The following TRHDE variants were observed in gnomAD, a reference collection of about 807,000 sequenced individuals.
TRHDE encodes the protein thyrotropin releasing hormone degrading enzyme, also known as thyrotropin-releasing hormone-degrading ectoenzyme.
A neutral mutation model predicts 125.7 loss-of-function variants in TRHDE; 72 were observed. That is an observed-to-expected ratio of 0.57 (90% CI 0.47 to 0.70). The LOEUF is 0.70. TRHDE is among the 30% of genes least tolerant of loss of function. The pLI is 0.00. For synonymous variants in TRHDE, 509 were observed against 509.1 expected (o/e 1.00, Z 0.00); for missense variants, 1,110 against 1,327.1 (o/e 0.84, Z 2.54).
intron 2 of TRHDE, among the ~76,000 whole-genome samples, chr12:72,153,239 G>A (rs1245437825): frequency 1.3e-5 from 2 of 152,112 alleles, no homozygotes; most frequent in African/African-American, 2.4e-5. Flanking sequence ...GATTGGTGGT[G>A]ATCTCCCCTT....
Position 72,454,243 on chromosome 12 carries a change from G to A in TRHDE, c.1316-15515G>A, listed in dbSNP as rs140197819. ...TTTGTTTTTACCTTATAATGAAAATGGGATAAAATGGAGTATAATGGTTGA... is the reference window on the plus strand; with the variant it reads ...TTTGTTTTTACCTTATAATGAAAATAGGATAAAATGGAGTATAATGGTTGA... On this transcript the variant is annotated intron_variant, in intron 3 of 18. Coordinates refer to ENST00000261180, the MANE Select transcript of TRHDE (RefSeq NM_013381.3). Among the ~76,000 whole-genome samples, 13 of 152,126 alleles carry A rather than the reference G, an allele frequency of 8.5e-5. No homozygotes were observed. In the East Asian group the frequency reaches 2.5e-3, roughly 29 times the overall value.
chr12:72,314,751 G>A (rs1444674292), intron 2 of TRHDE, among the ~76,000 whole-genome samples: 1 of 152,074 alleles, frequency 6.6e-6, no homozygotes, highest in African/African-American at 2.4e-5. Context: ...AAGATGAATG[G>A]TGACTGTGAT....
chr12:72,469,511 T>C (rs1418274222), intron 3 of TRHDE, among the ~76,000 whole-genome samples: 1 of 152,192 alleles, frequency 6.6e-6, no homozygotes, highest in Non-Finnish European at 1.5e-5. Flanking sequence ...ATGGCACTGA[T>C]ACTTCCAGCT....
intron 2 of TRHDE, among the ~76,000 whole-genome samples, chr12:72,251,117 A>G (rs1878674617): frequency 6.6e-6 from 1 of 151,864 alleles, no homozygotes; most frequent in Non-Finnish European, 1.5e-5. Flanking sequence ...ATTATGATCC[A>G]TTTACCTTAT....
intron 2 of TRHDE, among the ~76,000 whole-genome samples, chr12:72,373,849 A>G (rs1376624580): frequency 6.6e-6 from 1 of 152,154 alleles, no homozygotes; most frequent in Non-Finnish European, 1.5e-5. Context: ...GAATCCAGAG[A>G]GCTAAAAGGG....
At chr12:72,369,795 G>A (rs1640216917) in intron 2 of TRHDE, among the ~76,000 whole-genome samples, 1 of 152,132 alleles carries the variant, frequency 6.6e-6, no homozygotes, top group South Asian at 2.1e-4. Flanking sequence ...AAGCTCTGCA[G>A]AGGAAGAGAT....
intron 1 of TRHDE, among the ~76,000 whole-genome samples, chr12:72,097,170 A>G (rs768901536): frequency 1.3e-4 from 20 of 152,228 alleles, no homozygotes; most frequent in Non-Finnish European, 2.6e-4. Context: ...TTAATAGTGT[A>G]TACTACATCA....
At chr12:72,298,013 CT>C (rs1880369073) in intron 2 of TRHDE, among the ~76,000 whole-genome samples, 1 of 152,132 alleles carries the variant, frequency 6.6e-6, no homozygotes. Flanking sequence ...TCTCCATCGC[CT>C]TGTGACTGGC....
intron 3 of TRHDE, among the ~76,000 whole-genome samples, chr12:72,427,692 A>T (rs1442670100): frequency 2.0e-5 from 3 of 152,164 alleles, no homozygotes; most frequent in Non-Finnish European, 4.4e-5. Context: ...ATATATTTAG[A>T]TAACATAAGG....
At chr12:72,384,589 AAGGAG>A (rs1872332102) in intron 3 of TRHDE, among the ~76,000 whole-genome samples, 1 of 152,138 alleles carries the variant, frequency 6.6e-6, no homozygotes, top group Non-Finnish European at 1.5e-5. Flanking sequence ...TTGGAGAAGA[AAGGAG>A]AGAAGAGGCC....
chr12:72,386,148 T>C (rs1394371734), intron 3 of TRHDE, among the ~76,000 whole-genome samples: 1 of 152,142 alleles, frequency 6.6e-6, no homozygotes, highest in Non-Finnish European at 1.5e-5. Context: ...TAGTTTTAAG[T>C]TTCAGACCTT....
intron 2 of TRHDE, chr12:72,186,160 T>G (rs559960449): frequency 6.5e-6 from 1 of 153,314 alleles, no homozygotes; most frequent in Admixed American, 6.5e-5. Context: ...TTGCTAGTGC[T>G]CACTCTTTGG....
intron 2 of TRHDE, among the ~76,000 whole-genome samples, chr12:72,291,091 AC>A (rs1345709858): frequency 1.3e-5 from 2 of 152,194 alleles, no homozygotes; most frequent in African/African-American, 4.8e-5. Context: ...TCATCCCATT[AC>A]AACATCAGGC....
Position 72,201,386 on chromosome 12 carries a change from T to G in TRHDE, n.279+95634T>G, listed in dbSNP as rs551301016. Among the ~76,000 whole-genome samples the G allele has an allele frequency of 9.9e-5, 15 of 152,222 alleles. 1 individual carries two copies. Among genetic ancestry groups the G allele is most frequent in the African/African-American group, 2.9e-4 (12 of 41,552 alleles). ...AGTAGAAAATTGGAATAAGGAGAGA[T>G]AAATATTTTTGGCTAAGATTTTGAA... On this transcript the variant is annotated intron_variant and non_coding_transcript_variant, in intron 2 of 4. Transcript: ENST00000548156.
chr12:72,414,947 C>A (rs1336223917), intron 3 of TRHDE, among the ~76,000 whole-genome samples: 1 of 152,026 alleles, frequency 6.6e-6, no homozygotes, highest in African/African-American at 2.4e-5. Context: ...AAAATCACAT[C>A]ATTAGTAAGG....
At chr12:72,591,632 G>GTTTTTTTTTTTTTTTTTTTTTTTTT (rs71071842) in intron 12 of TRHDE, among the ~76,000 whole-genome samples, 9 of 125,426 alleles carry the variant, frequency 7.2e-5, no homozygotes, top group African/African-American at 2.6e-4. Flanking sequence ...AAGGATATGG[G>GTTTTTTTTTTTTTTTTTTTTTTTTT]TTTTTTTTTT....
chr12:72,118,873 T>A (rs1183605629), intron 2 of TRHDE, among the ~76,000 whole-genome samples: 1 of 152,152 alleles, frequency 6.6e-6, no homozygotes, highest in African/African-American at 2.4e-5. Context: ...TTTGATTTGC[T>A]GTGGTATCAG....
chr12:72,461,306 C>A (rs551317857), intron 3 of TRHDE, among the ~76,000 whole-genome samples: 2 of 152,222 alleles, frequency 1.3e-5, no homozygotes, highest in South Asian at 2.1e-4. Flanking sequence ...CTAAGGATAG[C>A]AAAGTTTAAC....
At chr12:72,332,218 A>C (rs113360460) in intron 2 of TRHDE, among the ~76,000 whole-genome samples, 2 of 152,080 alleles carry the variant, frequency 1.3e-5, no homozygotes, top group African/African-American at 4.8e-5. Flanking sequence ...GGCTCACTGC[A>C]AGCTCCACCT....
Sources: allele counts gnomAD v4.1 joint callset (sites outside exome capture counted in the v4.1 genomes callset), GRCh38; gene constraint gnomAD v4.1.1; transcripts MANE v1.5; gene names NCBI Gene and HGNC (gene_info 2026-07-23, HGNC 2026-07-21).